Variants in SATB1 observed in about 807,000 individuals in gnomAD.
The protein encoded by SATB1 is DNA-binding protein SATB1.
A neutral mutation model predicts 86.9 loss-of-function variants in SATB1; 11 were observed. The ratio of observed to expected loss-of-function variants is 0.13; its 90% confidence interval spans 0.08 to 0.21. SATB1 has a LOEUF of 0.21. SATB1 is among the 10% of genes least tolerant of loss of function. The probability of loss-of-function intolerance (pLI) is 1.00; values close to 1 mark genes in which losing one functional copy is unlikely to be tolerated. For missense variants in SATB1, 551 were observed against 937.6 expected, an observed-to-expected ratio of 0.59 and a Z score of 5.39; for synonymous variants, 357 against 357.2, an observed-to-expected ratio of 1.00 and a Z score of 0.01.
intron 10 of SATB1, chr3:18,351,364 A>T (rs1421910691): frequency 1.9e-6 from 3 of 1,554,146 alleles, no homozygotes; most frequent in Non-Finnish European, 2.6e-6. Flanking sequence ...CTGGTAAGAA[A>T]ACGCCTCTAG....
chr3:18,423,850 T>C lies in SATB1; in HGVS notation c.-248A>G, dbSNP rs1279496217. 1 of 149,016 alleles carries C rather than the reference T, an allele frequency of 6.7e-6. No individual in the cohort carries two copies. The highest frequency in any genetic ancestry group is 1.5e-5 in the Non-Finnish European group (1 of 67,410). 9.2% of individuals were successfully genotyped at this position (149,016 alleles called of 1,614,324 possible). On this transcript the variant is annotated 5_prime_UTR_variant, in exon 1 of 11. Transcript: ENST00000338745. ...CCCCTAAGCGGGGGAAGGGCAGAAA[T>C]AAACGTCTAGAAGAGTAGCCATGAG...
chr3:18,444,492 A>G lies in SATB1; in HGVS notation c.-25+1026T>C. 1 of 740,192 alleles carries G rather than the reference A, an allele frequency of 1.4e-6. No homozygotes were observed. Among genetic ancestry groups the G allele is most frequent in the Non-Finnish European group, 1.7e-6 (1 of 606,054 alleles). The allele number at this position is 740,192 out of a possible 1,614,324, so 45.9% of individuals were successfully genotyped here. A position where few individuals can be genotyped will look rare whatever the true frequency, so the allele number is the denominator to read the frequency against. On this transcript the variant is annotated intron_variant, in intron 1 of 3. Transcript: ENST00000415069. The surrounding 1 kb of genome is among the most constrained non-coding windows in gnomAD (Gnocchi z 5.1). ...GAGAGGGGAGCCCAGCCGCCCCAAT[A>G]GGGGACGAGGAGTGGGTGCTACGGA...
At chr3:18,351,468 A>T (rs888087108) in intron 10 of SATB1, 1 of 1,310,382 alleles carries the variant, frequency 7.6e-7, no homozygotes, top group African/African-American at 1.5e-5. Context: ...AAGTGTGGGG[A>T]GACAGCTATT....
chr3:18,382,157 C>T (rs933457714), intron 8 of SATB1, among the ~76,000 whole-genome samples: 1 of 152,098 alleles, frequency 6.6e-6, no homozygotes, highest in Admixed American at 6.6e-5. Context: ...GTGCAACTAC[C>T]AGATTAATCA....
intron 5 of SATB1, among the ~76,000 whole-genome samples, chr3:18,412,010 T>C (rs1045381900): frequency 7.2e-5 from 11 of 151,996 alleles, no homozygotes; most frequent in Admixed American, 3.9e-4. Flanking sequence ...TCTCGTTCTG[T>C]CACCAAACTA....
chr3:18,422,794 G>C (rs1414554060), intron 1 of SATB1, among the ~76,000 whole-genome samples: 1 of 152,022 alleles, frequency 6.6e-6, no homozygotes, highest in Non-Finnish European at 1.5e-5. Flanking sequence ...AAAGGGAGGG[G>C]GTGTAGACAA....
intron 9 of SATB1, among the ~76,000 whole-genome samples, chr3:18,370,301 T>C (rs1695402911): frequency 6.6e-6 from 1 of 152,116 alleles, no homozygotes; most frequent in Non-Finnish European, 1.5e-5. Context: ...TTGTCCATTT[T>C]AATTCTTCTA....
intron 3 of SATB1, among the ~76,000 whole-genome samples, chr3:18,416,464 T>C (rs1698119610): frequency 6.6e-6 from 1 of 152,168 alleles, no homozygotes. Flanking sequence ...CTTTATGATT[T>C]AGATAAGATT....
At chr3:18,411,297 C>T (rs138702283) in intron 5 of SATB1, among the ~76,000 whole-genome samples, 140 of 151,966 alleles carry the variant, frequency 9.2e-4, no homozygotes, top group Non-Finnish European at 1.5e-3. Context: ...CGAGTATGTA[C>T]GCCCACATGT....
chr3:18,354,335 C>G (rs958792782), intron 9 of SATB1, among the ~76,000 whole-genome samples: 3 of 152,062 alleles, frequency 2.0e-5, no homozygotes, highest in African/African-American at 7.2e-5. Context: ...TGAATATTAA[C>G]TGTGGGTGAG....
At chr3:18,441,855 C>G (rs1019264505), upstream of SATB1, among the ~76,000 whole-genome samples, 5 of 152,164 alleles carry the variant, frequency 3.3e-5, no homozygotes, top group African/African-American at 1.2e-4. Context: ...TACCATCACT[C>G]AGCATATCAT....
chr3:18,418,479 C>T (rs1337899338), intron 2 of SATB1, among the ~76,000 whole-genome samples: 3 of 152,096 alleles, frequency 2.0e-5, no homozygotes, highest in Non-Finnish European at 4.4e-5. Context: ...TTCGGAGGTA[C>T]CAATAGGCTA....
At chr3:18,367,616 A>T (rs1695250414) in intron 9 of SATB1, among the ~76,000 whole-genome samples, 1 of 152,158 alleles carries the variant, frequency 6.6e-6, no homozygotes, top group Non-Finnish European at 1.5e-5. Context: ...GAAACGCAGG[A>T]TTCTTGTAGT....
intron 7 of SATB1, among the ~76,000 whole-genome samples, chr3:18,392,972 CAAA>C (rs35399493): frequency 2.6e-5 from 3 of 114,812 alleles, no homozygotes; most frequent in Admixed American, 9.6e-5. Flanking sequence ...GACGAACGTA[CAAA>C]AAAAAAAAAA....
At chr3:18,417,171 A>C (rs1698160066) in intron 2 of SATB1, 93 bp from the exon 3 acceptor site, 1 of 1,283,716 alleles carries the variant, frequency 7.8e-7, no homozygotes, top group Non-Finnish European at 1.1e-6. Flanking sequence ...CCATGAAAAT[A>C]AATAATCACA....
At chr3:18,399,456 G>GA (rs1232064697) in intron 5 of SATB1, among the ~76,000 whole-genome samples, 1 of 152,180 alleles carries the variant, frequency 6.6e-6, no homozygotes, top group Non-Finnish European at 1.5e-5. Flanking sequence ...ATGTATAGGG[G>GA]ACGACGGAAG....
At chr3:18,373,426 C>G (rs1695572838) in intron 9 of SATB1, among the ~76,000 whole-genome samples, 1 of 152,178 alleles carries the variant, frequency 6.6e-6, no homozygotes, top group African/African-American at 2.4e-5. Flanking sequence ...ATAAAAGATG[C>G]CTTCACTAGC....
intron 5 of SATB1, among the ~76,000 whole-genome samples, chr3:18,413,709 T>C (rs887203276): frequency 6.6e-6 from 1 of 152,070 alleles, no homozygotes; most frequent in African/African-American, 2.4e-5. Context: ...TAGCTGTAGG[T>C]ATAACTGAAA....
chr3:18,420,643 G>A (rs1251937665), intron 2 of SATB1, 114 bp downstream of exon 2: 2 of 809,702 alleles, frequency 2.5e-6, no homozygotes, highest in Non-Finnish European at 4.2e-6. Context: ...CGATCATAAG[G>A]AGAATAAAGG....
Sources: allele counts gnomAD v4.1 joint callset (sites outside exome capture counted in the v4.1 genomes callset), GRCh38; gene constraint gnomAD v4.1.1; non-coding constraint Gnocchi (gnomAD v3.1); transcripts MANE v1.5; gene names NCBI Gene and HGNC (gene_info 2026-07-23, HGNC 2026-07-21).